The following TLCD3B variants were observed in gnomAD, a reference collection of about 807,000 sequenced individuals.
TLCD3B encodes the protein ceramide synthase.
A neutral mutation model predicts 23.0 loss-of-function variants in TLCD3B; 9 were observed. The ratio of observed to expected loss-of-function variants is 0.39; its 90% confidence interval spans 0.24 to 0.68. TLCD3B has a LOEUF of 0.68. Among genes scored for constraint, TLCD3B ranks in the 30% least tolerant of loss-of-function variants. TLCD3B has a pLI of 0.44. For synonymous variants in TLCD3B, 161 were observed against 161.0 expected, an observed-to-expected ratio of 1.00 and a Z score of 0.00; for missense variants, 307 against 371.8, an observed-to-expected ratio of 0.83 and a Z score of 1.43.
Position 30,030,836 on chromosome 16 carries a change from G to A in TLCD3B, c.-309C>T. 2 of 1,080,966 alleles carry A rather than the reference G, an allele frequency of 1.9e-6. No homozygotes were observed. The highest frequency in any genetic ancestry group is 8.8e-5 in the South Asian group (2 of 22,632). The allele number at this position is 1,080,966 out of a possible 1,614,324, so 67.0% of individuals were successfully genotyped here. ...CTTGGTGAGGGACAGAGAGGAAGAGGGGACAGGAGGAGGAGGATGCGGATG... is the reference window on the plus strand; with the variant it reads ...CTTGGTGAGGGACAGAGAGGAAGAGAGGACAGGAGGAGGAGGATGCGGATG... On this transcript the variant is annotated 5_prime_UTR_variant, in exon 1 of 5. Coordinates refer to ENST00000380495, the MANE Select transcript of TLCD3B (RefSeq NM_031478.6).
In TLCD3B at chr16:30,025,535, C is replaced by G; in HGVS notation, c.541-68G>C. On this transcript the variant is annotated intron_variant, in intron 4 of 4. Coordinates refer to ENST00000380495, the MANE Select transcript of TLCD3B (RefSeq NM_031478.6). This position sits in a 1 kb window ranked among gnomAD's most constrained non-coding sequence, Gnocchi z 4.1. ...CGGCCCCCCTTGGCCCTCTCCCTGC[C>G]TCCCTGCGACCCTAGCAGGCAGCTC... The G allele has an allele frequency of 6.3e-7, 1 of 1,589,872 alleles. No individual in the cohort carries two copies. The highest frequency in any genetic ancestry group is 2.3e-5 in the East Asian group (1 of 44,284).
chr16:30,025,039 T>G lies in TLCD3B; in HGVS notation c.*144A>C. On this transcript the variant is annotated 3_prime_UTR_variant, in exon 5 of 5. Transcript: ENST00000380495. This position sits in a 1 kb window ranked among gnomAD's most constrained non-coding sequence, Gnocchi z 4.1. The stretch of plus-strand genomic sequence containing the variant: ...CTCCACCCCCTCAGTCCCCGAGAGA[T>G]GGGGCCTCTTCCCTTTCGGGGTCAT... 1 of 577,994 alleles carries G rather than the reference T, an allele frequency of 1.7e-6. No individual in the cohort carries two copies. Among genetic ancestry groups the G allele is most frequent in the Non-Finnish European group, 2.9e-6 (1 of 341,226 alleles). 35.8% of individuals were successfully genotyped at this position (577,994 alleles called of 1,614,324 possible).
chr16:30,042,457 C>T (rs1287880584), intron 2 of TLCD3B, among the ~76,000 whole-genome samples: 1 of 152,088 alleles, frequency 6.6e-6, no homozygotes, highest in Non-Finnish European at 1.5e-5. Context: ...CTCCTGACCT[C>T]AAGTGATCCA....
chr16:30,025,184 C>T lies in TLCD3B; in HGVS notation c.824G>A (p.Ter275=), dbSNP rs1406532950. ...RPPPACQAQD[*] is the part of the protein sequence containing the mutation. ...GGGGGAGGGTCCCGGCCCCCGGCCT[C>T]AGTCCTGGGCCTGGCAGGCCGGGGG... is the stretch of plus-strand genomic sequence containing the variant. Residue 275 remains the stop codon, a stop_retained_variant, in exon 5 of 5, where the codon TGA becomes TAA. Transcript: ENST00000380495. The surrounding 1 kb of genome is among the most constrained non-coding windows in gnomAD (Gnocchi z 4.1). 2 of 1,451,324 alleles carry T rather than the reference C, an allele frequency of 1.4e-6. No individual in the cohort carries two copies. The highest frequency in any genetic ancestry group is 2.9e-5 in the Admixed American group (1 of 34,494). The allele number at this position is 1,451,324 out of a possible 1,614,324, so 89.9% of individuals were successfully genotyped here. A position where few individuals can be genotyped will look rare whatever the true frequency, so the allele number is the denominator to read the frequency against.
chr16:30,047,778 G>A (rs1398049313), intron 1 of TLCD3B, among the ~76,000 whole-genome samples: 2 of 93,824 alleles, frequency 2.1e-5, no homozygotes, highest in African/African-American at 8.7e-5. Flanking sequence ...TTTTTTTTTT[G>A]AGATAGTGTC....
upstream of TLCD3B, among the ~76,000 whole-genome samples, chr16:30,035,904 A>C (rs1402715764): frequency 8.6e-5 from 13 of 151,730 alleles, no homozygotes. Context: ...CTGGGATTAC[A>C]GGCGCCCGCC....
At chr16:30,047,632 A>AT (rs906580048) in intron 1 of TLCD3B, among the ~76,000 whole-genome samples, 2 of 149,104 alleles carry the variant, frequency 1.3e-5, no homozygotes, top group South Asian at 2.1e-4. Context: ...TAATTTTTGT[A>AT]TTTTTTGTAG....
chr16:30,032,154 A>T (rs939586788), upstream of TLCD3B, among the ~76,000 whole-genome samples: 2 of 152,092 alleles, frequency 1.3e-5, no homozygotes, highest in Non-Finnish European at 2.9e-5. Context: ...ACTGGCCCAT[A>T]AGGAAAGTGA....
chr16:30,033,143 AGAGGCT>A (rs1416499622), upstream of TLCD3B: 1 of 152,316 alleles, frequency 6.6e-6, no homozygotes, highest in African/African-American at 2.4e-5. Context: ...CAGCTACTTG[AGAGGCT>A]GAGGCAGGAG....
At chr16:30,044,962 A>G (rs1210013334) in intron 2 of TLCD3B, among the ~76,000 whole-genome samples, 1 of 151,710 alleles carries the variant, frequency 6.6e-6, no homozygotes, top group African/African-American at 2.4e-5. Flanking sequence ...GCGTGGTGGC[A>G]TGCACCTGTA....
intron 1 of TLCD3B, among the ~76,000 whole-genome samples, chr16:30,050,021 T>G (rs2071727216): frequency 6.6e-6 from 1 of 152,108 alleles, no homozygotes; most frequent in Non-Finnish European, 1.5e-5. Flanking sequence ...CACACAAGCC[T>G]GGGGCACTGC....
intron 2 of TLCD3B, 115 bp from the exon 3 acceptor site, chr16:30,026,958 A>G: frequency 1.2e-6 from 1 of 853,740 alleles, no homozygotes. Context: ...TCTTGGGTAC[A>G]GATGAGGGAT....
rs1368799017 is a variant in TLCD3B at position 30,030,520 on chromosome 16, G to T, written c.8C>A (p.Thr3Asn). 1.3e-6 allele frequency: 2 copies of T among 1,582,904 alleles called. No homozygotes were observed. The highest frequency in any genetic ancestry group is 2.0e-5 in the Admixed American group (1 of 50,982). Residue 3 changes from threonine to asparagine, a missense_variant, in exon 1 of 5, where the codon ACC becomes AAC. Transcript: ENST00000380495. ML[T>N]PMVAGGVVFP... Reference sequence around the variant, plus strand: ...CACCACCCCCCCGGCCACCATCGGGGTCAGCATGGTGGCTCAGGACTTGGG... The same window carrying T: ...CACCACCCCCCCGGCCACCATCGGGTTCAGCATGGTGGCTCAGGACTTGGG...
chr16:30,039,824 T>C (rs923111204), intron 3 of TLCD3B, among the ~76,000 whole-genome samples: 17 of 151,480 alleles, frequency 1.1e-4, no homozygotes, highest in African/African-American at 3.9e-4. Context: ...TGGATGGGAC[T>C]CTGAAAATTA....
At chr16:30,026,579 A>ACCCCC in intron 3 of TLCD3B, 30 bp downstream of exon 3, 1 of 1,585,778 alleles carries the variant, frequency 6.3e-7, no homozygotes, top group Non-Finnish European at 8.6e-7. Context: ...GGCCACCCGC[A>ACCCCC]CCCCGCCCGC....
chr16:30,042,155 G>A (rs954894662), intron 2 of TLCD3B, among the ~76,000 whole-genome samples: 9 of 152,062 alleles, frequency 5.9e-5, no homozygotes, highest in Non-Finnish European at 1.0e-4. Flanking sequence ...CCTTGGGGGC[G>A]ATATTATACC....
rs1261380142 is a variant in TLCD3B, at chr16:30,027,162, C to G, written c.210-319G>C. 8.2e-6 allele frequency: 4 copies of G among 489,286 alleles called. No homozygotes were observed. The Admixed American group carries it at 9.2e-5, about 11-fold the overall frequency. The allele number at this position is 489,286 out of a possible 1,614,324, so 30.3% of individuals were successfully genotyped here. ...CACAGATACAGTGCCAAAATAAGCC[C>G]AGGACAGGCAGGTGGGACCTTGCCA... On this transcript the variant is annotated intron_variant, in intron 2 of 4. Coordinates refer to ENST00000380495, the MANE Select transcript of TLCD3B (RefSeq NM_031478.6).
Position 30,029,485 on chromosome 16 carries a change from G to A in TLCD3B, c.156C>T (p.Ala52=), listed in dbSNP as rs2150982006. Residue 52 remains alanine, a synonymous_variant, in exon 2 of 5, where the codon GCC becomes GCT. Coordinates refer to ENST00000380495, the MANE Select transcript of TLCD3B (RefSeq NM_031478.6). This position sits in a 1 kb window ranked among gnomAD's most constrained non-coding sequence, Gnocchi z 4.6. ...TGGAGACGATGTAGCCGGCAGTGGAGGCCATGATGGCCTGGACAGAGGACA... is the reference window on the plus strand; with the variant it reads ...TGGAGACGATGTAGCCGGCAGTGGAAGCCATGATGGCCTGGACAGAGGACA... ...RLVSSVQAIM[A]STAGYIVSTS... 6.2e-7 allele frequency: 1 copy of A among 1,614,030 alleles called. No homozygotes were observed. The highest frequency in any genetic ancestry group is 1.1e-5 in the South Asian group (1 of 91,072).
At chr16:30,052,441 A>G (rs1431606004) in intron 1 of TLCD3B, among the ~76,000 whole-genome samples, 3 of 151,912 alleles carry the variant, frequency 2.0e-5, no homozygotes. Flanking sequence ...TCACGCCTAT[A>G]ATCCCAGCAC....
Sources: allele counts gnomAD v4.1 joint callset (sites outside exome capture counted in the v4.1 genomes callset), GRCh38; gene constraint gnomAD v4.1.1; non-coding constraint Gnocchi (gnomAD v3.1); transcripts MANE v1.5; gene names NCBI Gene and HGNC (gene_info 2026-07-23, HGNC 2026-07-21).